The following DST variants were observed in gnomAD, a reference collection of about 807,000 sequenced individuals.
DST encodes the protein bullous pemphigoid antigen.
In DST, 253 loss-of-function variants were observed where a neutral mutation model predicts 875.2. The ratio of observed to expected loss-of-function variants is 0.29; its 90% CI spans 0.26 to 0.32. The LOEUF is 0.32. Ranked by LOEUF, DST falls within the 10% of genes least tolerant of loss-of-function variation. The probability of loss-of-function intolerance (pLI) is 1.00; values close to 1 mark genes in which losing one functional copy is unlikely to be tolerated. For synonymous variants in DST, 3,124 were observed against 3,197.1 expected (o/e 0.98, Z 0.77); for missense variants, 8,287 against 9,111.6 (o/e 0.91, Z 3.68).
intron 54 of DST, among the ~76,000 whole-genome samples, chr6:56,568,996 T>G (rs957244949): frequency 6.6e-6 from 1 of 152,150 alleles, no homozygotes; most frequent in South Asian, 2.1e-4. Flanking sequence ...TTTTACAGCA[T>G]ATTTTAATCC....
At chr6:56,720,442 C>A (rs775318975) in intron 5 of DST, among the ~76,000 whole-genome samples, 2 of 150,374 alleles carry the variant, frequency 1.3e-5, no homozygotes, top group Non-Finnish European at 2.9e-5. Flanking sequence ...GTGGAGAGAA[C>A]GTCAGCAGAT....
rs2096410459 is a variant in DST at position 56,509,175 on chromosome 6, C to T, written c.19013-420G>A. 3.9e-5 allele frequency among the ~76,000 whole-genome samples: 6 copies of T among 152,140 alleles called. 1 individual carries two copies. In the South Asian group the frequency reaches 1.2e-3, roughly 32 times the overall value. On this transcript the variant is annotated intron_variant, in intron 74 of 103. Coordinates refer to ENST00000680361, the MANE Select transcript of DST (RefSeq NM_001374736.1). The stretch of plus-strand genomic sequence containing the variant: ...ACTTTGGGCTTGCTTCTAGAGTACT[C>T]TCATTGTGAATTTCCACTACGCACA...
chr6:56,731,217 T>C (rs967638107), intron 5 of DST, among the ~76,000 whole-genome samples: 7 of 152,162 alleles, frequency 4.6e-5, no homozygotes, highest in Non-Finnish European at 5.9e-5. Flanking sequence ...TGCTGGACTG[T>C]TGAGTGAAAA....
intron 3 of DST, among the ~76,000 whole-genome samples, chr6:56,886,418 A>T (rs1784686104): frequency 6.6e-6 from 1 of 152,204 alleles, no homozygotes; most frequent in Non-Finnish European, 1.5e-5. Context: ...GAGATAATGA[A>T]TATGAGCAGT....
chr6:56,952,347 T>C lies in DST; in HGVS notation c.216+1438A>G, dbSNP rs535996292. On this transcript the variant is annotated intron_variant, in intron 2 of 103. Coordinates refer to ENST00000680361, the MANE Select transcript of DST (RefSeq NM_001374736.1). Reference sequence around the variant, plus strand: ...ATTATTATTCTTGTTCTATCATTTATGTGTGTGGAACTGGGTATCTCTTTT... The same window carrying C: ...ATTATTATTCTTGTTCTATCATTTACGTGTGTGGAACTGGGTATCTCTTTT... Among the ~76,000 whole-genome samples the C allele has an allele frequency of 8.5e-5, 13 of 152,372 alleles. No individual in the cohort carries two copies. In the East Asian group the frequency reaches 1.7e-3, roughly 20 times the overall value.
chr6:56,791,322 C>T (rs942833601), intron 4 of DST, among the ~76,000 whole-genome samples: 2 of 152,088 alleles, frequency 1.3e-5, no homozygotes, highest in African/African-American at 4.8e-5. Context: ...AACTGAGACA[C>T]TGTATTGTGT....
At chr6:56,771,091 A>T (rs1387582417) in intron 4 of DST, among the ~76,000 whole-genome samples, 2 of 152,100 alleles carry the variant, frequency 1.3e-5, no homozygotes, top group South Asian at 4.1e-4. Flanking sequence ...ATTTATAAAC[A>T]TATCTCTTCT....
At chr6:56,588,161 C>T (rs2098198290) in intron 49 of DST, among the ~76,000 whole-genome samples, 1 of 152,174 alleles carries the variant, frequency 6.6e-6, no homozygotes, top group Admixed American at 6.5e-5. Flanking sequence ...TCTTAGTAGT[C>T]TCCCTTGACA....
chr6:56,542,076 A>C (rs1041579697), intron 61 of DST, among the ~76,000 whole-genome samples: 4 of 152,356 alleles, frequency 2.6e-5, no homozygotes, highest in Middle Eastern at 3.4e-3. Context: ...TGGCTTGCAG[A>C]ACTCCACCAT....
chr6:56,485,382 G>A lies in DST; in HGVS notation c.21137C>T (p.Pro7046Leu). The A allele has an allele frequency of 6.2e-7, 1 of 1,613,830 alleles. No individual in the cohort carries two copies. The change falls in exon 88 of 104, where the codon CCC (proline) becomes CTC (leucine). Residue 7046 changes from proline (P) to leucine (L), a missense_variant. Coordinates refer to ENST00000680361, the MANE Select transcript of DST (RefSeq NM_001374736.1). Reference sequence around the variant, plus strand: ...AACAGGCTGGTCTTCTGCCAGCTGGGGTTCAACTCTATATAACCAATCAAT... The same window carrying A: ...AACAGGCTGGTCTTCTGCCAGCTGGAGTTCAACTCTATATAACCAATCAAT... ...ALIDWLYRVE[P>L]QLAEDQPVHG...
At chr6:56,593,474 G>C (rs894684575) in intron 48 of DST, among the ~76,000 whole-genome samples, 189 bp downstream of exon 48, 2 of 132,550 alleles carry the variant, frequency 1.5e-5, no homozygotes, top group Admixed American at 9.0e-5. Context: ...CCGAGATCAC[G>C]CCACTGCACT....
At chr6:56,630,417 G>T (rs566862164) in intron 30 of DST, 34 bp from the exon 31 acceptor site, 1 of 1,595,088 alleles carries the variant, frequency 6.3e-7, no homozygotes, top group South Asian at 1.1e-5. Context: ...GCCACCTATG[G>T]TTAAATGTTT....
At chr6:56,543,007 T>TCCGG (rs948999695) in intron 61 of DST, among the ~76,000 whole-genome samples, 1 of 152,124 alleles carries the variant, frequency 6.6e-6, no homozygotes, top group Non-Finnish European at 1.5e-5. Flanking sequence ...GCAGGCCGAG[T>TCCGG]CCGGCCACTG....
Position 56,618,122 on chromosome 6 carries a change from T to C in DST, c.4930-3638A>G, listed in dbSNP as rs376976728. 57 of 1,614,180 alleles carry C rather than the reference T, an allele frequency of 3.5e-5. No homozygotes were observed. The African/African-American group carries it at 7.3e-4, about 21-fold the overall frequency. On this transcript the variant is annotated intron_variant, in intron 36 of 103. Transcript: ENST00000680361. The stretch of plus-strand genomic sequence containing the variant: ...CAGTCTTGTAATGGGGTTTGTCTCA[T>C]CAAAAGTTATCTGTAACTCGGTGCT...
Position 56,640,405 on chromosome 6 carries a change from G to C in DST, c.2228C>G (p.Ser743Cys), listed in dbSNP as rs758509873. Residue 743 changes from serine to cysteine, a missense_variant, in exon 18 of 104, where the codon TCT (serine) becomes TGT (cysteine). Around this residue, in one of 10 missense-constraint regions of DST, gnomAD observed 1,160 missense variants for 1,424.3 expected, o/e 0.81. Transcript: ENST00000680361. Reference sequence around the variant, plus strand: ...TGACAGGCCAGAAGTCATACTAGAAGAGGTTAGGGAAGGTGTTAAACTCTG... The same window carrying C: ...TGACAGGCCAGAAGTCATACTAGAACAGGTTAGGGAAGGTGTTAAACTCTG... The part of the protein sequence containing the change: ...LTQSLTPSLT[S>C]SSMTSGLSSG... The C allele has an allele frequency of 1.9e-6, 3 of 1,614,194 alleles. No individual in the cohort carries two copies. The highest frequency in any genetic ancestry group is 2.5e-6 in the Non-Finnish European group (3 of 1,180,022).
At chr6:56,545,387 T>C (rs1014665104) in intron 61 of DST, among the ~76,000 whole-genome samples, 2 of 151,840 alleles carry the variant, frequency 1.3e-5, no homozygotes, top group African/African-American at 2.4e-5. Flanking sequence ...TATTTCATAA[T>C]ACAGAAATCA....
rs140152012 is a variant in DST, at chr6:56,616,712, C to T, written c.4930-2228G>A. ...GCCTCTCACAGGGTCAATGACACCCCCACTGGCAATCTGGGCTTCCAAGAT... is the reference window on the plus strand; with the variant it reads ...GCCTCTCACAGGGTCAATGACACCCTCACTGGCAATCTGGGCTTCCAAGAT... On this transcript the variant is annotated intron_variant, in intron 36 of 103. Transcript: ENST00000680361. 2.7e-5 allele frequency: 44 copies of T among 1,614,066 alleles called. No homozygotes were observed. The highest frequency in any genetic ancestry group is 3.6e-5 in the Non-Finnish European group (42 of 1,180,032).
intron 5 of DST, among the ~76,000 whole-genome samples, 173 bp from the exon 6 acceptor site, chr6:56,704,542 TA>T (rs924145142): frequency 6.6e-6 from 1 of 152,254 alleles, no homozygotes; most frequent in African/African-American, 2.4e-5. Flanking sequence ...TTTAAAAACT[TA>T]AAAAAGTGAA....
chr6:56,577,876 A>T (rs1373863185), intron 50 of DST, among the ~76,000 whole-genome samples: 1 of 152,188 alleles, frequency 6.6e-6, no homozygotes, highest in African/African-American at 2.4e-5. Context: ...GTTAGATAGA[A>T]AGATAATATA....
Sources: allele counts gnomAD v4.1 joint callset (sites outside exome capture counted in the v4.1 genomes callset), GRCh38; gene constraint gnomAD v4.1.1; regional missense constraint gnomAD v4.1.1; transcripts MANE v1.5; gene names NCBI Gene and HGNC (gene_info 2026-07-23, HGNC 2026-07-21).